Variants in DCC observed in about 807,000 individuals in gnomAD.
DCC encodes the protein DCC netrin 1 receptor.
In DCC, 58 loss-of-function variants were observed where a neutral mutation model predicts 172.5. The ratio of observed to expected loss-of-function variants is 0.34; its 90% CI spans 0.27 to 0.42. DCC has a LOEUF of 0.42. Among genes scored for constraint, DCC ranks in the 10% least tolerant of loss-of-function variants. The pLI, the probability that DCC is intolerant of heterozygous loss-of-function variation, is 1.00. For synonymous variants in DCC, 709 were observed against 644.5 expected (o/e 1.10, Z -1.52); for missense variants, 1,740 against 1,791.0 (o/e 0.97, Z 0.51).
At chr18:53,172,707 A>G (rs1298993278) in intron 8 of DCC, among the ~76,000 whole-genome samples, 1 of 152,122 alleles carries the variant, frequency 6.6e-6, no homozygotes, top group Non-Finnish European at 1.5e-5. Flanking sequence ...AGCAGATGAT[A>G]GACAAATTGA....
At chr18:52,482,626 A>G (rs2030014855) in intron 1 of DCC, among the ~76,000 whole-genome samples, 1 of 152,130 alleles carries the variant, frequency 6.6e-6, no homozygotes, top group African/African-American at 2.4e-5. Context: ...TCCATTTATG[A>G]GGTTTCCACC....
At chr18:52,847,559 C>T (rs113642014) in intron 2 of DCC, among the ~76,000 whole-genome samples, 105 of 152,288 alleles carry the variant, frequency 6.9e-4, no homozygotes, top group African/African-American at 2.2e-3. Context: ...GCTAGCCAAA[C>T]GACGGTTCTA....
intron 5 of DCC, among the ~76,000 whole-genome samples, chr18:52,982,494 C>T (rs67582914): frequency 0.048 from 7,244 of 152,168 alleles, 303 homozygotes; most frequent in East Asian, 0.21. Flanking sequence ...ATGTCTCCTG[C>T]TTAGGGCAGC....
intron 9 of DCC, 29 bp from the exon 10 acceptor site, chr18:53,205,187 C>A: frequency 6.3e-7 from 1 of 1,595,026 alleles, no homozygotes; most frequent in South Asian, 1.1e-5. Flanking sequence ...AATCACTTTT[C>A]TTTCTTTCTT....
intron 2 of DCC, among the ~76,000 whole-genome samples, chr18:52,895,323 T>C (rs1423374688): frequency 6.6e-6 from 1 of 152,212 alleles, no homozygotes; most frequent in Non-Finnish European, 1.5e-5. Flanking sequence ...TGTAAAACTA[T>C]TCATTACTAT....
Position 53,448,080 on chromosome 18 carries a change from A to G in DCC, c.3230-2420A>G, listed in dbSNP as rs139290485. On this transcript the variant is annotated intron_variant, in intron 22 of 28. Coordinates refer to ENST00000442544, the MANE Select transcript of DCC (RefSeq NM_005215.4). ...TTTTTTTTTTTTTTTTACAAAAGCA[A>G]TGATTCTTAGGCAACTTGTCAAAAG... Among the ~76,000 whole-genome samples, 12 of 145,606 alleles carry G rather than the reference A, an allele frequency of 8.2e-5. No individual in the cohort carries two copies. The East Asian group carries it at 2.2e-3, about 26-fold the overall frequency.
chr18:52,355,136 T>G (rs1984302592), intron 1 of DCC, among the ~76,000 whole-genome samples: 1 of 152,240 alleles, frequency 6.6e-6, no homozygotes, highest in Non-Finnish European at 1.5e-5. Context: ...TCCTGAAGAC[T>G]TGAGTGAGTC....
intron 12 of DCC, among the ~76,000 whole-genome samples, chr18:53,282,254 T>G (rs891709106): frequency 6.6e-6 from 1 of 152,122 alleles, no homozygotes; most frequent in Non-Finnish European, 1.5e-5. Flanking sequence ...AATAGCTGAG[T>G]TGGGATTTAA....
chr18:52,997,300 C>T (rs1374676445), intron 5 of DCC, among the ~76,000 whole-genome samples: 2 of 152,040 alleles, frequency 1.3e-5, no homozygotes, highest in African/African-American at 4.8e-5. Flanking sequence ...TGTTCTTTAA[C>T]ACAGATGTAG....
intron 1 of DCC, among the ~76,000 whole-genome samples, chr18:52,653,703 A>T (rs892034417): frequency 6.6e-6 from 1 of 152,192 alleles, no homozygotes; most frequent in Non-Finnish European, 1.5e-5. Flanking sequence ...CTTTCTGATC[A>T]TTTAGTTTTT....
At chr18:52,786,629 TTTAAAGCTGAGCCCGGCCATAGGTTTA>T (rs1410413165) in intron 2 of DCC, among the ~76,000 whole-genome samples, 1 of 152,116 alleles carries the variant, frequency 6.6e-6, no homozygotes, top group African/African-American at 2.4e-5. Flanking sequence ...GATAGGACCT[TTTAAAGCTGAGCCCGGCCATAGGTTTA>T]TATTCTCTAA....
chr18:52,911,153 A>C (rs564076605), intron 3 of DCC, among the ~76,000 whole-genome samples: 76 of 152,132 alleles, frequency 5.0e-4, no homozygotes, highest in Non-Finnish European at 8.7e-4. Context: ...TTTCTATGGA[A>C]TAATGATCTG....
chr18:53,000,585 C>CT (rs71175543), intron 5 of DCC, among the ~76,000 whole-genome samples: 3,898 of 98,996 alleles, frequency 0.039, 159 homozygotes, highest in Non-Finnish European at 0.057. Flanking sequence ...AGCTTACATT[C>CT]TTTTTTTTTT....
intron 25 of DCC, among the ~76,000 whole-genome samples, chr18:53,485,726 A>C (rs920713589): frequency 5.9e-5 from 9 of 152,076 alleles, no homozygotes; most frequent in Non-Finnish European, 1.3e-4. Context: ...TTATATATTT[A>C]ATCTGAATTT....
intron 7 of DCC, among the ~76,000 whole-genome samples, chr18:53,131,525 A>G (rs927057017): frequency 9.2e-5 from 14 of 152,150 alleles, no homozygotes; most frequent in Non-Finnish European, 1.9e-4. Flanking sequence ...GCTGTGCTCA[A>G]ATGGCACTTT....
intron 2 of DCC, among the ~76,000 whole-genome samples, chr18:52,847,722 A>G (rs1382628898): frequency 2.6e-5 from 4 of 152,196 alleles, no homozygotes; most frequent in Non-Finnish European, 5.9e-5. Flanking sequence ...TTTCCTGGTT[A>G]GACCATTGGA....
intron 7 of DCC, among the ~76,000 whole-genome samples, chr18:53,147,854 T>C (rs940891172): frequency 6.6e-6 from 1 of 152,234 alleles, no homozygotes; most frequent in African/African-American, 2.4e-5. Context: ...TAGGGAGAGT[T>C]GGAAGTTAGC....
At chr18:52,552,838 A>C (rs1446813951) in intron 1 of DCC, among the ~76,000 whole-genome samples, 1 of 150,746 alleles carries the variant, frequency 6.6e-6, no homozygotes, top group African/African-American at 2.4e-5. Context: ...GCTAAAGGAA[A>C]AAAGAAAAAA....
At chr18:53,409,629 G>A (rs1568113978) in intron 19 of DCC, among the ~76,000 whole-genome samples, 1 of 152,122 alleles carries the variant, frequency 6.6e-6, no homozygotes. Context: ...ATAAATATGT[G>A]ACAGGAATCC....
Sources: gnomAD v4.1 joint callset for allele counts (sites outside exome capture counted in the v4.1 genomes callset) on GRCh38, gnomAD v4.1.1 for gene constraint, MANE v1.5 for transcripts, NCBI Gene and HGNC (gene_info 2026-07-23, HGNC 2026-07-21) for gene names.